The following ASCC3 variants were observed in gnomAD, a reference collection of about 807,000 sequenced individuals.
The protein encoded by ASCC3 is activating signal cointegrator 1 complex subunit 3, also known as ASC-1 complex subunit P200.
In ASCC3, 158 loss-of-function variants were observed where a neutral mutation model predicts 256.3. The observed-to-expected ratio is 0.62, with a 90% confidence interval of 0.54 to 0.70. ASCC3 has a LOEUF of 0.70. Among genes scored for constraint, ASCC3 ranks in the 30% least tolerant of loss-of-function variants. The pLI is 0.00. For synonymous variants in ASCC3, 948 were observed against 883.4 expected (o/e 1.07, Z -1.30); for missense variants, 2,259 against 2,626.0 (o/e 0.86, Z 3.05).
chr6:100,745,337 A>T (rs1780612341), intron 10 of ASCC3, among the ~76,000 whole-genome samples: 1 of 151,938 alleles, frequency 6.6e-6, no homozygotes, highest in African/African-American at 2.4e-5. Flanking sequence ...AAAAAAAAAA[A>T]ATTAGCCAGG....
chr6:100,600,528 C>G (rs1772552709), intron 34 of ASCC3, among the ~76,000 whole-genome samples: 1 of 152,062 alleles, frequency 6.6e-6, no homozygotes, highest in Admixed American at 6.6e-5. Flanking sequence ...GTGGAGGGAA[C>G]TGGGCAAAAT....
intron 10 of ASCC3, among the ~76,000 whole-genome samples, chr6:100,751,788 GT>G (rs5878644): frequency 0.97 from 148,045 of 152,066 alleles, 72,198 homozygotes; most frequent in East Asian, 1. Flanking sequence ...TAATTTAACA[GT>G]TAAGAACCTT....
At chr6:100,781,162 T>C (rs973653178) in intron 8 of ASCC3, among the ~76,000 whole-genome samples, 7 of 152,218 alleles carry the variant, frequency 4.6e-5, no homozygotes, top group African/African-American at 1.7e-4. Flanking sequence ...ATGAACTGCA[T>C]TGTTGATGAA....
chr6:100,532,414 T>TA (rs1162604671), intron 37 of ASCC3, among the ~76,000 whole-genome samples: 1 of 129,796 alleles, frequency 7.7e-6, no homozygotes, highest in African/African-American at 3.3e-5. Context: ...ATATTTTTTT[T>TA]TTTTTTTTTT....
At chr6:100,700,927 A>G (rs1368354224) in intron 13 of ASCC3, among the ~76,000 whole-genome samples, 1 of 152,156 alleles carries the variant, frequency 6.6e-6, no homozygotes, top group Non-Finnish European at 1.5e-5. Flanking sequence ...TAATGCTGAA[A>G]TGAGTTAAGA....
At chr6:100,814,214 T>G (rs950157865) in intron 4 of ASCC3, among the ~76,000 whole-genome samples, 7 of 152,162 alleles carry the variant, frequency 4.6e-5, no homozygotes, top group African/African-American at 7.2e-5. Flanking sequence ...GTTTTTGTCT[T>G]TAGTTCTGTT....
chr6:100,679,576 G>A, intron 14 of ASCC3, 42 bp downstream of exon 14: 1 of 1,611,452 alleles, frequency 6.2e-7, no homozygotes, highest in Non-Finnish European at 8.5e-7. Context: ...CGGGATATGT[G>A]GCATGTTACA....
At chr6:100,575,210 T>A (rs1034072539) in intron 36 of ASCC3, among the ~76,000 whole-genome samples, 2 of 152,114 alleles carry the variant, frequency 1.3e-5, no homozygotes, top group African/African-American at 4.8e-5. Flanking sequence ...ACAAACTCTT[T>A]AATTTTTTTT....
At chr6:100,614,919 T>G (rs1382429808) in intron 30 of ASCC3, among the ~76,000 whole-genome samples, 3 of 152,176 alleles carry the variant, frequency 2.0e-5, no homozygotes, top group African/African-American at 7.2e-5. Flanking sequence ...AACTAAAATA[T>G]TACCTTTTTC....
chr6:100,720,326 A>C (rs932072956), intron 11 of ASCC3, among the ~76,000 whole-genome samples: 1 of 151,922 alleles, frequency 6.6e-6, no homozygotes, highest in Non-Finnish European at 1.5e-5. Context: ...AGTGCAAAGA[A>C]AACACAGAAA....
chr6:100,741,775 T>G (rs1186232955), intron 10 of ASCC3, among the ~76,000 whole-genome samples: 1 of 152,204 alleles, frequency 6.6e-6, no homozygotes, highest in Non-Finnish European at 1.5e-5. Context: ...GGCTGTCAGC[T>G]CTCGTACTGT....
chr6:100,644,573 T>C (rs1775288676), intron 22 of ASCC3, among the ~76,000 whole-genome samples: 2 of 152,186 alleles, frequency 1.3e-5, no homozygotes, highest in Admixed American at 6.5e-5. Context: ...TATTTTGCTT[T>C]ATCCATTTCA....
chr6:100,708,516 A>G (rs2115010072), intron 13 of ASCC3, among the ~76,000 whole-genome samples: 1 of 152,172 alleles, frequency 6.6e-6, no homozygotes, highest in South Asian at 2.1e-4. Flanking sequence ...TCTAAACAAC[A>G]CTTTTCAACC....
chr6:100,848,575 G>A lies in ASCC3; in HGVS notation c.374C>T (p.Ser125Leu), dbSNP rs1772503770. The A allele has an allele frequency of 1.2e-6, 2 of 1,614,118 alleles. No individual in the cohort carries two copies. Among genetic ancestry groups the A allele is most frequent in the African/African-American group, 2.7e-5 (2 of 75,054 alleles). ...AGCATTACAAGCTGCAGTGGCAGAT[G>A]ATGAAGGAAAGGGGCCAAACATCTG... ...IKQMFGPFPSSSATAACNATN... is the reference protein window; with the variant it reads ...IKQMFGPFPSLSATAACNATN... The change falls in exon 4 of 42, where the codon TCA (serine) becomes TTA (leucine). Residue 125 changes from serine to leucine, a missense_variant. Physicochemically the swap from Ser to Leu is moderately radical, Grantham distance 145. Around this residue, in one of 2 missense-constraint regions of ASCC3, gnomAD observed 420 missense variants for 419.3 expected, o/e 1.00. Transcript: ENST00000369162.
intron 10 of ASCC3, among the ~76,000 whole-genome samples, chr6:100,743,158 C>T (rs996786261): frequency 3.3e-5 from 5 of 152,120 alleles, no homozygotes; most frequent in African/African-American, 1.2e-4. Flanking sequence ...CACAATAACT[C>T]ACTTCTTCCC....
chr6:100,658,485 A>G (rs1473250797), intron 16 of ASCC3, among the ~76,000 whole-genome samples: 1 of 151,504 alleles, frequency 6.6e-6, no homozygotes, highest in Non-Finnish European at 1.5e-5. Flanking sequence ...AAATATATAT[A>G]AAAACTATGC....
At chr6:100,689,944 A>T (rs1582702519) in intron 13 of ASCC3, among the ~76,000 whole-genome samples, 1 of 152,256 alleles carries the variant, frequency 6.6e-6, no homozygotes, top group South Asian at 2.1e-4. Flanking sequence ...ATTCTGAAAG[A>T]TTAGCTTATA....
intron 10 of ASCC3, among the ~76,000 whole-genome samples, chr6:100,752,869 G>A (rs1780999723): frequency 6.6e-6 from 1 of 151,980 alleles, no homozygotes; most frequent in Admixed American, 6.6e-5. Flanking sequence ...AAAAATATGA[G>A]AGTAAGTATG....
At chr6:100,527,257 T>C (rs1193924995) in intron 37 of ASCC3, among the ~76,000 whole-genome samples, 1 of 152,154 alleles carries the variant, frequency 6.6e-6, no homozygotes, top group South Asian at 2.1e-4. Flanking sequence ...TTTCTCAAAA[T>C]GATTAGAAGA....
Sources: allele counts gnomAD v4.1 joint callset (sites outside exome capture counted in the v4.1 genomes callset), GRCh38; gene constraint gnomAD v4.1.1; regional missense constraint gnomAD v4.1.1; transcripts MANE v1.5; gene names NCBI Gene and HGNC (gene_info 2026-07-23, HGNC 2026-07-21).